SMC1B: variants seen among roughly 807,000 people sequenced by gnomAD.
SMC1B encodes the protein structural maintenance of chromosomes 1B.
SMC1B carries 60 observed loss-of-function variants against 157.9 expected under a neutral mutation model. That is an observed-to-expected ratio of 0.38 (90% CI 0.31 to 0.47). SMC1B has a LOEUF of 0.47. Ranked by LOEUF, SMC1B falls within the 20% of genes least tolerant of loss-of-function variation. The pLI, the probability that SMC1B is intolerant of heterozygous loss-of-function variation, is 0.99. For synonymous variants in SMC1B, 445 were observed against 483.0 expected (o/e 0.92, Z 1.03); for missense variants, 1,165 against 1,426.2 (o/e 0.82, Z 2.95).
intron 15 of SMC1B, among the ~76,000 whole-genome samples, chr22:45,366,663 C>T (rs111549801): frequency 2.8e-4 from 43 of 152,228 alleles, no homozygotes; most frequent in African/African-American, 9.6e-4. Context: ...TTTGGGAGGC[C>T]GAGGTGCATG....
At chr22:45,368,411 T>C (rs938990293) in intron 15 of SMC1B, among the ~76,000 whole-genome samples, 6 of 152,180 alleles carry the variant, frequency 3.9e-5, no homozygotes, top group African/African-American at 2.4e-5. Context: ...ATAGGTGACA[T>C]TGATTTACAG....
intron 14 of SMC1B, 133 bp downstream of exon 14, chr22:45,371,338 T>C (rs1391873130): frequency 2.3e-6 from 3 of 1,312,708 alleles, no homozygotes; most frequent in Non-Finnish European, 2.9e-6. Flanking sequence ...AAACTTAGCT[T>C]ACAACATTGT....
chr22:45,402,829 G>A (rs2087212825), intron 4 of SMC1B, among the ~76,000 whole-genome samples: 1 of 152,074 alleles, frequency 6.6e-6, no homozygotes, highest in South Asian at 2.1e-4. Flanking sequence ...CATTAGCCTG[G>A]GTCCCTTTTG....
chr22:45,406,971 T>C, intron 2 of SMC1B, 106 bp from the exon 3 acceptor site: 2 of 685,676 alleles, frequency 2.9e-6, no homozygotes, highest in Non-Finnish European at 4.7e-6. Context: ...AATGGCCAGT[T>C]ATATAATAAT....
chr22:45,355,179 T>C, intron 19 of SMC1B, 64 bp from the exon 20 acceptor site: 1 of 1,563,784 alleles, frequency 6.4e-7, no homozygotes. Context: ...CAAGGTAGGG[T>C]GCGTGTGTGG....
intron 6 of SMC1B, among the ~76,000 whole-genome samples, chr22:45,397,646 C>A (rs1306528721): frequency 6.6e-6 from 1 of 152,198 alleles, no homozygotes; most frequent in Non-Finnish European, 1.5e-5. Flanking sequence ...TACACCTACC[C>A]TTCCCTAATT....
At chr22:45,354,437 C>G (rs1409621237) in intron 20 of SMC1B, among the ~76,000 whole-genome samples, 1 of 152,120 alleles carries the variant, frequency 6.6e-6, no homozygotes, top group African/African-American at 2.4e-5. Flanking sequence ...GTTGCTCAGG[C>G]TGGAGCTCAG....
At chr22:45,408,629 C>A in intron 2 of SMC1B, 81 bp downstream of exon 2, 1 of 931,188 alleles carries the variant, frequency 1.1e-6, no homozygotes, top group South Asian at 1.7e-5. Context: ...AATAATAAAC[C>A]ATACCCTCCA....
intron 15 of SMC1B, 44 bp from the exon 16 acceptor site, chr22:45,363,070 T>C (rs372159812): frequency 2.2e-6 from 3 of 1,371,570 alleles, no homozygotes; most frequent in African/African-American, 1.5e-5. Flanking sequence ...ACAGAAAACT[T>C]TGATTCCTTC....
intron 5 of SMC1B, among the ~76,000 whole-genome samples, chr22:45,401,844 G>A (rs2087198019): frequency 1.1e-5 from 1 of 93,714 alleles, no homozygotes; most frequent in Admixed American, 9.7e-5. Flanking sequence ...AATGAACCTC[G>A]GGTATTACCC....
At chr22:45,373,559 C>T (rs1427209676) in intron 12 of SMC1B, among the ~76,000 whole-genome samples, 1 of 152,168 alleles carries the variant, frequency 6.6e-6, no homozygotes, top group Non-Finnish European at 1.5e-5. Context: ...TTTAGGCAGT[C>T]TAGTCCACAG....
chr22:45,355,234 C>T (rs2086658449), intron 19 of SMC1B, 119 bp from the exon 20 acceptor site: 1 of 936,232 alleles, frequency 1.1e-6, no homozygotes, highest in Admixed American at 2.1e-5. Flanking sequence ...TCCTTCTCTC[C>T]CCAAAGCCCT....
chr22:45,380,635 T>C (rs1052552790), intron 12 of SMC1B, among the ~76,000 whole-genome samples: 1 of 152,174 alleles, frequency 6.6e-6, no homozygotes, highest in Admixed American at 6.5e-5. Context: ...AATATGTTTT[T>C]GGCCAGAGGT....
At chr22:45,379,520 C>CAAT (rs2086914739) in intron 12 of SMC1B, among the ~76,000 whole-genome samples, 1 of 152,040 alleles carries the variant, frequency 6.6e-6, no homozygotes, top group African/African-American at 2.4e-5. Context: ...CTAGTCCCTC[C>CAAT]TGTCCCCCTG....
At chr22:45,357,722 T>G (rs1404711693) in intron 19 of SMC1B, among the ~76,000 whole-genome samples, 1 of 152,210 alleles carries the variant, frequency 6.6e-6, no homozygotes, top group African/African-American at 2.4e-5. Flanking sequence ...ACCAATATAT[T>G]TACTAGCTAT....
chr22:45,413,594 GTT>G lies in SMC1B; in HGVS notation c.-29_-28del, dbSNP rs767199820. On this transcript the variant is annotated 5_prime_UTR_variant, in exon 1 of 25. Coordinates refer to ENST00000357450, the MANE Select transcript of SMC1B (RefSeq NM_148674.5). ...GCGCCGCCCTCCACGCCTCACCCGC[GTT>G]ATCAAGCGCCCGCGGAAAAAGCGCG... 2.6e-6 allele frequency: 4 copies of G among 1,567,592 alleles called. No homozygotes were observed. In the African/African-American group the frequency reaches 5.4e-5, roughly 21 times the overall value.
intron 16 of SMC1B, 151 bp from the exon 17 acceptor site, chr22:45,362,135 C>T (rs550285073): frequency 2.1e-5 from 14 of 679,744 alleles, no homozygotes; most frequent in African/African-American, 3.7e-5. Context: ...CTGTGACTCA[C>T]GTTCTACACT....
chr22:45,371,659 A>G, intron 13 of SMC1B, 72 bp from the exon 14 acceptor site: 1 of 1,499,050 alleles, frequency 6.7e-7, no homozygotes, highest in Non-Finnish European at 8.9e-7. Flanking sequence ...AAAATGTGAT[A>G]GGTATCTTTT....
chr22:45,349,015 A>ATTT (rs1183927337), intron 23 of SMC1B, among the ~76,000 whole-genome samples: 28 of 99,690 alleles, frequency 2.8e-4, no homozygotes, highest in Admixed American at 9.5e-4. Context: ...ACAAGGACTG[A>ATTT]TTTTTTTTTT....
Sources: gnomAD v4.1 joint callset for allele counts (sites outside exome capture counted in the v4.1 genomes callset) on GRCh38, gnomAD v4.1.1 for gene constraint, MANE v1.5 for transcripts, NCBI Gene and HGNC (gene_info 2026-07-23, HGNC 2026-07-21) for gene names.